GABARAPL2: variants seen among roughly 807,000 people sequenced by gnomAD.
GABARAPL2 encodes gamma-aminobutyric acid receptor-associated protein-like 2.
In GABARAPL2, 11 loss-of-function variants were observed where a neutral mutation model predicts 16.9. The observed-to-expected ratio is 0.65, with a 90% CI of 0.41 to 1.08. The LOEUF (loss-of-function observed/expected upper bound fraction) is 1.08. GABARAPL2 is among the 50% of genes least tolerant of loss of function. The pLI, the probability that GABARAPL2 is intolerant of heterozygous loss-of-function variation, is 0.00. For synonymous variants in GABARAPL2, 57 were observed against 50.7 expected, an observed-to-expected ratio of 1.12 and a Z score of -0.53; for missense variants, 134 against 142.5, an observed-to-expected ratio of 0.94 and a Z score of 0.30.
At position 75,566,380 on chromosome 16, in the gene GABARAPL2, G is replaced by A; in HGVS notation, c.-107G>A. On this transcript the variant is annotated 5_prime_UTR_variant, in exon 1 of 4. Transcript: ENST00000037243. ...AGCCGGAAGTCCCGCCTGCCGTGTA[G>A]TCGCCGCCGTCGCTGCCGCTGCCGC... is the stretch of plus-strand genomic sequence containing the variant. 1.2e-6 allele frequency: 1 copy of A among 814,324 alleles called. No individual in the cohort carries two copies. Among genetic ancestry groups the A allele is most frequent in the Non-Finnish European group, 2.0e-6 (1 of 494,516 alleles). The allele number at this position is 814,324 out of a possible 1,614,324, so 50.4% of individuals were successfully genotyped here. A position where few individuals can be genotyped will look rare whatever the true frequency, so the allele number is the denominator to read the frequency against.
Position 75,577,321 on chromosome 16 carries a change from T to G in GABARAPL2, c.306T>G (p.Asp102Glu). 1.2e-6 allele frequency: 2 copies of G among 1,613,144 alleles called. No individual in the cohort carries two copies. The highest frequency in any genetic ancestry group is 1.7e-6 in the Non-Finnish European group (2 of 1,179,072). The change falls in exon 4 of 4, where the codon GAT becomes GAG. Residue 102 changes from aspartate to glutamate, a missense_variant. Coordinates refer to ENST00000037243, the MANE Select transcript of GABARAPL2 (RefSeq NM_007285.7). ...TTTACGAGAAGGAAAAAGATGAAGATGGATTCTTATATGTGGCCTACAGCG... is the reference window on the plus strand; with the variant it reads ...TTTACGAGAAGGAAAAAGATGAAGAGGGATTCTTATATGTGGCCTACAGCG... ...GQLYEKEKDE[D>E]GFLYVAYSGE...
At position 75,566,542 on chromosome 16, in the gene GABARAPL2, C is replaced by T. The variant is rs368994540; in HGVS notation, c.34+22C>T. ...CTGGGTAAGCACTTGGTCGTCGGCC[C>T]GGCTGCTGGGGGCTGGGGCGGCGGG... On this transcript the variant is annotated intron_variant, in intron 1 of 3. Coordinates refer to ENST00000037243, the MANE Select transcript of GABARAPL2 (RefSeq NM_007285.7). 16 of 1,606,822 alleles carry T rather than the reference C, an allele frequency of 1.0e-5. No homozygotes were observed. The East Asian group carries it at 2.5e-4, about 25-fold the overall frequency.
chr16:75,574,357 G>T (rs1207129829), intron 3 of GABARAPL2, among the ~76,000 whole-genome samples: 1 of 152,186 alleles, frequency 6.6e-6, no homozygotes, highest in East Asian at 1.9e-4. Flanking sequence ...GACACTATGG[G>T]GCGACTCTGA....
chr16:75,573,290 T>C (rs1267534981), intron 3 of GABARAPL2, among the ~76,000 whole-genome samples: 1 of 152,264 alleles, frequency 6.6e-6, no homozygotes, highest in African/African-American at 2.4e-5. Flanking sequence ...TTAAGTCTGT[T>C]TGTGGCCCAG....
chr16:75,569,231 T>C (rs543344399), intron 3 of GABARAPL2, among the ~76,000 whole-genome samples: 34 of 152,318 alleles, frequency 2.2e-4, no homozygotes, highest in Non-Finnish European at 4.1e-4. Flanking sequence ...ATTTCCTCTT[T>C]CCCAGTGTCC....
intron 3 of GABARAPL2, chr16:75,576,566 A>C (rs2080950910): frequency 1.3e-5 from 2 of 152,290 alleles, no homozygotes; most frequent in Admixed American, 6.5e-5. Context: ...CAGAGAGTAC[A>C]GTCACGGGGC....
chr16:75,571,967 T>A (rs1465589437), intron 3 of GABARAPL2, among the ~76,000 whole-genome samples: 1 of 152,056 alleles, frequency 6.6e-6, no homozygotes, highest in Non-Finnish European at 1.5e-5. Flanking sequence ...CGTGAGCCAC[T>A]GCTCCCGGCC....
Position 75,568,003 on chromosome 16 carries a change from G to A in GABARAPL2, c.91-34G>A, listed in dbSNP as rs774133364. ...ATGTGAGGCCAGAGCCTCGCTTTAG[G>A]AAACACAGTCCTGACCTCTCTTTAC... On this transcript the variant is annotated intron_variant, in intron 2 of 3. Transcript: ENST00000037243. 9.7e-6 allele frequency: 15 copies of A among 1,549,898 alleles called. No homozygotes were observed. The East Asian group carries it at 3.0e-4, about 31-fold the overall frequency.
At chr16:75,566,760 G>A in intron 1 of GABARAPL2, 92 bp from the exon 2 acceptor site, 2 of 1,269,824 alleles carry the variant, frequency 1.6e-6, no homozygotes, top group South Asian at 1.2e-5. Flanking sequence ...CAGGGCCTGG[G>A]TTGTACGCAG....
chr16:75,568,827 G>T (rs1398072561), intron 3 of GABARAPL2, among the ~76,000 whole-genome samples: 1 of 152,180 alleles, frequency 6.6e-6, no homozygotes, highest in Non-Finnish European at 1.5e-5. Context: ...TGTAGGCAGA[G>T]GCATTAGAAT....
At chr16:75,571,717 C>T (rs2080915623) in intron 3 of GABARAPL2, among the ~76,000 whole-genome samples, 1 of 150,490 alleles carries the variant, frequency 6.6e-6, no homozygotes, top group Non-Finnish European at 1.5e-5. Flanking sequence ...GTCGCCCAGG[C>T]TAGAGTGCCC....
At chr16:75,567,941 C>G in intron 2 of GABARAPL2, 96 bp from the exon 3 acceptor site, 2 of 864,710 alleles carry the variant, frequency 2.3e-6, no homozygotes, top group African/African-American at 3.3e-5. Context: ...TCCCCACCCA[C>G]CTCCTTGCCC....
At chr16:75,574,211 G>C (rs1011852657) in intron 3 of GABARAPL2, among the ~76,000 whole-genome samples, 9 of 152,206 alleles carry the variant, frequency 5.9e-5, no homozygotes, top group Non-Finnish European at 2.9e-5. Flanking sequence ...CACAGGCCCG[G>C]GGGTGGGCTG....
At chr16:75,573,003 G>T (rs1443191784) in intron 3 of GABARAPL2, among the ~76,000 whole-genome samples, 2 of 152,254 alleles carry the variant, frequency 1.3e-5, no homozygotes, top group Non-Finnish European at 2.9e-5. Context: ...CATCCAGCAA[G>T]CCTGTGCAGC....
intron 3 of GABARAPL2, among the ~76,000 whole-genome samples, chr16:75,570,749 C>T (rs1272047507): frequency 6.6e-6 from 1 of 152,196 alleles, no homozygotes; most frequent in Non-Finnish European, 1.5e-5. Flanking sequence ...CTAAGTTTTA[C>T]TTCCTAAATT....
intron 3 of GABARAPL2, among the ~76,000 whole-genome samples, chr16:75,572,947 A>C (rs552407317): frequency 6.6e-6 from 1 of 152,340 alleles, no homozygotes; most frequent in South Asian, 2.1e-4. Context: ...CCAGCAACTT[A>C]GGCAGCAAGC....
intron 3 of GABARAPL2, among the ~76,000 whole-genome samples, chr16:75,574,521 T>G (rs923262010): frequency 1.3e-5 from 2 of 152,080 alleles, no homozygotes; most frequent in African/African-American, 4.8e-5. Context: ...TTAGCCTCAT[T>G]CTGAGGAGTT....
chr16:75,570,799 G>C (rs1431926693), intron 3 of GABARAPL2, among the ~76,000 whole-genome samples: 1 of 152,136 alleles, frequency 6.6e-6, no homozygotes, highest in Non-Finnish European at 1.5e-5. Flanking sequence ...GAATCACAAT[G>C]GCCTTTTCCC....
intron 3 of GABARAPL2, among the ~76,000 whole-genome samples, chr16:75,569,785 G>A (rs980293790): frequency 5.3e-5 from 8 of 152,060 alleles, no homozygotes; most frequent in East Asian, 1.9e-4. Context: ...CCCCTCCCCC[G>A]TTATCCCTGA....
Sources: allele counts gnomAD v4.1 joint callset (sites outside exome capture counted in the v4.1 genomes callset), GRCh38; gene constraint gnomAD v4.1.1; transcripts MANE v1.5; gene names NCBI Gene and HGNC (gene_info 2026-07-23, HGNC 2026-07-21).